LPO: variants seen among roughly 807,000 people sequenced by gnomAD.
The protein encoded by LPO is salivary peroxidase.
In LPO, 70 loss-of-function variants were observed where a neutral mutation model predicts 68.4. That is an observed-to-expected ratio of 1.02 (90% confidence interval 0.84 to 1.25). LPO has a LOEUF of 1.25. LPO is among the 50% of genes most tolerant of loss of function. The pLI is 0.00. For synonymous variants in LPO, 360 were observed against 357.6 expected (o/e 1.01, Z -0.08); for missense variants, 873 against 908.4 (o/e 0.96, Z 0.50).
At chr17:58,251,887 C>T (rs1208886382) in intron 7 of LPO, 1 of 670,258 alleles carries the variant, frequency 1.5e-6, no homozygotes, top group East Asian at 3.2e-5. Context: ...ACCTCGTGTC[C>T]TGCTTTCCTG....
chr17:58,268,210 C>G lies in LPO; in HGVS notation c.*216C>G, dbSNP rs1598036773. On this transcript the variant is annotated 3_prime_UTR_variant, in exon 13 of 13. Transcript: ENST00000262290. ...AGCTCCAGTGGCTTCTCCTTTCTGTCAAGACTTAGCCCCGCTGAGATGCCC... is the reference window on the plus strand; with the variant it reads ...AGCTCCAGTGGCTTCTCCTTTCTGTGAAGACTTAGCCCCGCTGAGATGCCC... 15 of 571,602 alleles carry G rather than the reference C, an allele frequency of 2.6e-5. No individual in the cohort carries two copies. The East Asian group carries it at 3.9e-4, about 15-fold the overall frequency. 35.4% of individuals were successfully genotyped at this position (571,602 alleles called of 1,614,324 possible).
In LPO at chr17:58,264,893, G is replaced by A. The variant is rs1419064501; in HGVS notation, c.1438G>A (p.Glu480Lys). 5 of 1,614,112 alleles carry A rather than the reference G, an allele frequency of 3.1e-6. No individual in the cohort carries two copies. Among genetic ancestry groups the A allele is most frequent in the Non-Finnish European group, 2.5e-6 (3 of 1,180,050 alleles). The change falls in exon 10 of 13, where the codon GAG becomes AAG. Residue 480 changes from glutamate (E) to lysine (K), a missense_variant. Physicochemically the swap from Glu to Lys is moderately conservative, Grantham distance 56. Transcript: ENST00000262290. ...CCCCTCTAGTATGTTCCGCCTGGAT[G>A]AGAATTATCAGCCATGGGGGCCAGA... ...EVPSSMFRLDENYQPWGPEPE... is the reference protein window; with the variant it reads ...EVPSSMFRLDKNYQPWGPEPE...
In LPO at chr17:58,249,103, T is replaced by A. The variant is rs1365992200; in HGVS notation, c.369T>A (p.Cys123Ter). 9.3e-6 allele frequency: 15 copies of A among 1,614,090 alleles called. No individual in the cohort carries two copies. The highest frequency in any genetic ancestry group is 1.2e-5 in the Non-Finnish European group (14 of 1,180,040). The part of the protein sequence containing the change: ...DLTSLSLEVG[C>*]GAPAPVVRCD... ...CTTCACTGTCTCTGGAGGTGGGCTG[T>A]GGTGCTCCTGCTCCCGTGGTGAGAT... The change falls in exon 5 of 13, where the codon TGT (cysteine) becomes TGA (stop). Residue 123 changes from cysteine to a stop codon, truncating the protein, a stop_gained. Coordinates refer to ENST00000262290, the MANE Select transcript of LPO (RefSeq NM_006151.3). LOFTEE classifies it high-confidence loss of function.
In LPO at chr17:58,268,135, C is replaced by A; in HGVS notation, c.*141C>A. 1 of 834,070 alleles carries A rather than the reference C, an allele frequency of 1.2e-6. No homozygotes were observed. The allele number at this position is 834,070 out of a possible 1,614,324, so 51.7% of individuals were successfully genotyped here. A position where few individuals can be genotyped will look rare whatever the true frequency, so the allele number is the denominator to read the frequency against. ...CCTCTCTATACCCCTGGATGAACAGCTTGCTCAGGCCCCAGGGTGGCTGCC... is the reference window on the plus strand; with the variant it reads ...CCTCTCTATACCCCTGGATGAACAGATTGCTCAGGCCCCAGGGTGGCTGCC... On this transcript the variant is annotated 3_prime_UTR_variant, in exon 13 of 13. Transcript: ENST00000262290.
At position 58,249,685 on chromosome 17, in the gene LPO, C is replaced by T. The variant is rs1969921163; in HGVS notation, c.563C>T (p.Pro188Leu). 6.4e-7 allele frequency: 1 copy of T among 1,571,568 alleles called. No homozygotes were observed. Among genetic ancestry groups the T allele is most frequent in the Admixed American group, 1.8e-5 (1 of 54,530 alleles). ...CCGGGGAAGACGCGCAACGGCTTCCCTCTCCCGCTGGTGAGGGCAGGCCGG... is the reference window on the plus strand; with the variant it reads ...CCGGGGAAGACGCGCAACGGCTTCCTTCTCCCGCTGGTGAGGGCAGGCCGG... Reference protein sequence around the residue: ...WTPGKTRNGFPLPLAREVSNK... With the variant: ...WTPGKTRNGFLLPLAREVSNK... The change falls in exon 6 of 13, where the codon CCT (proline) becomes CTT (leucine). Residue 188 changes from proline (P) to leucine (L), a missense_variant. Pro to Leu is a moderately conservative substitution (Grantham distance 98, BLOSUM62 -3). Transcript: ENST00000262290.
At chr17:58,242,792 T>C in intron 1 of LPO, 186 bp from the exon 2 acceptor site, 1 of 539,268 alleles carries the variant, frequency 1.9e-6, no homozygotes, top group East Asian at 3.2e-5. Flanking sequence ...CCTCTTTCCA[T>C]CTCTCCCAGT....
At chr17:58,243,287 C>T (rs1038266169) in intron 2 of LPO, 3 of 509,948 alleles carry the variant, frequency 5.9e-6, no homozygotes, top group Non-Finnish European at 1.1e-5. Flanking sequence ...GTAGCTGCAA[C>T]ACTCCAATCT....
chr17:58,266,037 T>G, intron 10 of LPO, 116 bp from the exon 11 acceptor site: 2 of 969,234 alleles, frequency 2.1e-6, no homozygotes, highest in Non-Finnish European at 3.1e-6. Flanking sequence ...GCCTGGGATG[T>G]CCAGGTGACC....
intron 9 of LPO, among the ~76,000 whole-genome samples, chr17:58,259,111 C>T (rs1426675086): frequency 1.3e-5 from 2 of 151,916 alleles, no homozygotes; most frequent in Admixed American, 6.6e-5. Flanking sequence ...TCAAATTTTC[C>T]TTTCCTGGAT....
At chr17:58,244,732 T>C (rs1387022325) in intron 3 of LPO, among the ~76,000 whole-genome samples, 2 of 152,202 alleles carry the variant, frequency 1.3e-5, no homozygotes, top group Non-Finnish European at 2.9e-5. Flanking sequence ...GTGGCACACC[T>C]GTGGAATTCC....
chr17:58,249,552 C>T lies in LPO; in HGVS notation c.444-14C>T. On this transcript the variant is annotated splice_polypyrimidine_tract_variant and intron_variant, in intron 5 of 12. Coordinates refer to ENST00000262290, the MANE Select transcript of LPO (RefSeq NM_006151.3). ...CGGCCTGCCGAAGCTCAGCGAGGAT[C>T]GTGCTGGTTTCAGGAGGAAGCCTGC... The T allele has an allele frequency of 6.2e-7, 1 of 1,602,612 alleles. No individual in the cohort carries two copies. Among genetic ancestry groups the T allele is most frequent in the Non-Finnish European group, 8.5e-7 (1 of 1,178,856 alleles).
chr17:58,267,487 TA>T lies in LPO; in HGVS notation c.1833del (p.Ile611MetfsTer100). ...ACCCCTGACAACATCGACATCTGGA[TA>T]GGGGCCATTGCTGAGCCGCTGGTGG... ...YGTPDNIDIW[I>X]GAIAEPLVER... On this transcript the variant is annotated frameshift_variant, in exon 12 of 13. Transcript: ENST00000262290. LOFTEE classifies it high-confidence loss of function. 1 of 1,614,196 alleles carries T rather than the reference TA, an allele frequency of 6.2e-7. No homozygotes were observed. Among genetic ancestry groups the T allele is most frequent in the Non-Finnish European group, 8.5e-7 (1 of 1,180,018 alleles).
chr17:58,253,019 T>A (rs1969990347), intron 8 of LPO, among the ~76,000 whole-genome samples: 3 of 46,336 alleles, frequency 6.5e-5, no homozygotes, highest in South Asian at 1.6e-3. Context: ...CAAGACTCCA[T>A]CTCAAAAAAA....
intron 4 of LPO, 83 bp from the exon 5 acceptor site, chr17:58,248,977 C>T (rs946408542): frequency 4.9e-6 from 5 of 1,011,184 alleles, no homozygotes; most frequent in Non-Finnish European, 7.9e-6. Context: ...TGCAGGTTCA[C>T]CTCTGGTCTC....
rs192614316 is a variant in LPO at position 58,255,896 on chromosome 17, T to C, written c.1266+925T>C. 2.0e-4 allele frequency among the ~76,000 whole-genome samples: 30 copies of C among 152,304 alleles called. 1 individual carries two copies. Among genetic ancestry groups the C allele is most frequent in the Admixed American group, 1.9e-3 (29 of 15,310 alleles). ...AACTGTGTGTGTGTATGTGTCTGCATAGCTCTATGCAGTTTTATCACAGAT... is the reference window on the plus strand; with the variant it reads ...AACTGTGTGTGTGTATGTGTCTGCACAGCTCTATGCAGTTTTATCACAGAT... On this transcript the variant is annotated intron_variant, in intron 9 of 12. Coordinates refer to ENST00000262290, the MANE Select transcript of LPO (RefSeq NM_006151.3).
At chr17:58,238,924 TC>T (rs201324644) in intron 1 of LPO, among the ~76,000 whole-genome samples, 185 bp downstream of exon 1, 1 of 152,106 alleles carries the variant, frequency 6.6e-6, no homozygotes, top group South Asian at 2.1e-4. Flanking sequence ...TAATTAAGCC[TC>T]CCCCCACCAC....
chr17:58,267,017 G>T (rs148768053), intron 11 of LPO, among the ~76,000 whole-genome samples: 1 of 152,132 alleles, frequency 6.6e-6, no homozygotes, highest in African/African-American at 2.4e-5. Flanking sequence ...TTCAAATCCC[G>T]CCTATGCCAT....
chr17:58,253,020 C>A (rs1224765066), intron 8 of LPO, among the ~76,000 whole-genome samples: 5 of 55,228 alleles, frequency 9.1e-5, no homozygotes, highest in South Asian at 7.3e-4. Flanking sequence ...AAGACTCCAT[C>A]TCAAAAAAAA....
In LPO at chr17:58,264,740, T is replaced by C. The variant is rs776428627; in HGVS notation, c.1285T>C (p.Tyr429His). ...CCTCCAGATTATCACCTTTAGGGAC[T>C]ACCTACCCATTTTGCTAGGTGACCA... ...AFVQIITFRD[Y>H]LPILLGDHMQ... Residue 429 changes from tyrosine to histidine, a missense_variant, in exon 10 of 13, where the codon TAC (tyrosine) becomes CAC (histidine). Tyr to His is a moderately conservative substitution (Grantham distance 83, BLOSUM62 2). Coordinates refer to ENST00000262290, the MANE Select transcript of LPO (RefSeq NM_006151.3). The C allele has an allele frequency of 1.2e-6, 2 of 1,614,146 alleles. No individual in the cohort carries two copies. The highest frequency in any genetic ancestry group is 2.2e-5 in the South Asian group (2 of 91,078).
Sources: allele counts gnomAD v4.1 joint callset (sites outside exome capture counted in the v4.1 genomes callset), GRCh38; gene constraint gnomAD v4.1.1; transcripts MANE v1.5; gene names NCBI Gene and HGNC (gene_info 2026-07-23, HGNC 2026-07-21).